The following CADM2 variants were observed in gnomAD, a reference collection of about 807,000 sequenced individuals.
CADM2 encodes the protein cell adhesion molecule 2, also known as immunoglobulin superfamily member 4D.
A neutral mutation model predicts 49.8 loss-of-function variants in CADM2; 12 were observed. The observed-to-expected ratio is 0.24, with a 90% CI of 0.15 to 0.39. CADM2 has a LOEUF of 0.39. Among genes scored for constraint, CADM2 ranks in the 10% least tolerant of loss-of-function variants. The pLI, the probability that CADM2 is intolerant of heterozygous loss-of-function variation, is 1.00. For synonymous variants in CADM2, 214 were observed against 175.4 expected, an observed-to-expected ratio of 1.22 and a Z score of -1.74; for missense variants, 378 against 492.3, an observed-to-expected ratio of 0.77 and a Z score of 2.20.
At chr3:85,043,372 G>A (rs937288949) in intron 1 of CADM2, among the ~76,000 whole-genome samples, 4 of 151,818 alleles carry the variant, frequency 2.6e-5, no homozygotes, top group South Asian at 2.1e-4. Flanking sequence ...GTATGGGCCC[G>A]TATATGACCA....
At chr3:85,117,684 G>A (rs922571266) in intron 1 of CADM2, among the ~76,000 whole-genome samples, 8 of 151,978 alleles carry the variant, frequency 5.3e-5, no homozygotes, top group African/African-American at 1.7e-4. Flanking sequence ...TAGGGATTAG[G>A]GTGTTTTATG....
intron 1 of CADM2, among the ~76,000 whole-genome samples, chr3:85,142,993 A>C (rs2039622596): frequency 6.6e-6 from 1 of 152,192 alleles, no homozygotes; most frequent in Non-Finnish European, 1.5e-5. Context: ...ATATATTGCA[A>C]ATTTTCTTAG....
chr3:85,917,776 G>C (rs145195131), intron 6 of CADM2, among the ~76,000 whole-genome samples: 5,692 of 151,698 alleles, frequency 0.038, 321 homozygotes, highest in African/African-American at 0.12. Flanking sequence ...CCATTTTCAC[G>C]ATATTGATTC....
intron 1 of CADM2, among the ~76,000 whole-genome samples, chr3:85,627,398 T>C (rs969997531): frequency 2.0e-5 from 3 of 151,822 alleles, no homozygotes; most frequent in African/African-American, 7.3e-5. Flanking sequence ...CATGTATACA[T>C]TTGGGTAAAT....
intron 1 of CADM2, among the ~76,000 whole-genome samples, chr3:85,352,769 C>A (rs1434288763): frequency 6.6e-6 from 1 of 152,018 alleles, no homozygotes; most frequent in African/African-American, 2.4e-5. Flanking sequence ...GACTGGATGA[C>A]CATGTCAAAT....
chr3:85,924,143 CA>C (rs1485979871), intron 6 of CADM2, among the ~76,000 whole-genome samples: 1 of 151,966 alleles, frequency 6.6e-6, no homozygotes, highest in Non-Finnish European at 1.5e-5. Flanking sequence ...CAAGGTAAGC[CA>C]ATTTTTAAAC....
chr3:85,048,579 T>G (rs540595795), intron 1 of CADM2, among the ~76,000 whole-genome samples: 2 of 152,260 alleles, frequency 1.3e-5, no homozygotes, highest in South Asian at 4.1e-4. Flanking sequence ...CCTTAGGACT[T>G]AAATTAGGAC....
chr3:85,259,045 A>G (rs923654468), intron 1 of CADM2, among the ~76,000 whole-genome samples: 1 of 152,162 alleles, frequency 6.6e-6, no homozygotes, highest in Non-Finnish European at 1.5e-5. Flanking sequence ...CTAGTCATTC[A>G]TCAGCATTGA....
At chr3:86,048,997 T>C (rs1431983131) in intron 8 of CADM2, among the ~76,000 whole-genome samples, 1 of 152,176 alleles carries the variant, frequency 6.6e-6, no homozygotes, top group Non-Finnish European at 1.5e-5. Context: ...AGGTAAATTT[T>C]AAAATTTTTC....
At chr3:85,741,084 A>G (rs1366260997) in intron 2 of CADM2, among the ~76,000 whole-genome samples, 2 of 152,198 alleles carry the variant, frequency 1.3e-5, no homozygotes, top group African/African-American at 4.8e-5. Context: ...ATTAAATTGA[A>G]TCACACAATG....
At chr3:85,412,929 C>T (rs910677947) in intron 1 of CADM2, among the ~76,000 whole-genome samples, 1 of 151,462 alleles carries the variant, frequency 6.6e-6, no homozygotes, top group African/African-American at 2.4e-5. Flanking sequence ...ATCACGAGGT[C>T]AGGAGATCTA....
chr3:86,039,534 G>A (rs1354114122), intron 8 of CADM2, among the ~76,000 whole-genome samples: 2 of 152,170 alleles, frequency 1.3e-5, no homozygotes, highest in African/African-American at 2.4e-5. Context: ...CGAGGCTGGG[G>A]GAGGGGTGCC....
intron 1 of CADM2, among the ~76,000 whole-genome samples, chr3:85,147,153 T>C (rs896886764): frequency 4.0e-5 from 6 of 151,552 alleles, no homozygotes; most frequent in African/African-American, 1.5e-4. Context: ...CGGGCGCCTG[T>C]AGTCCCAGCT....
At chr3:85,206,302 TTTTC>T (rs2041632154) in intron 1 of CADM2, among the ~76,000 whole-genome samples, 1 of 150,752 alleles carries the variant, frequency 6.6e-6, no homozygotes, top group Admixed American at 6.7e-5. Context: ...GTCTTTTTTT[TTTTC>T]TTTTCTTTTT....
intron 1 of CADM2, among the ~76,000 whole-genome samples, chr3:85,271,180 A>G (rs2043233790): frequency 6.6e-6 from 1 of 151,436 alleles, no homozygotes; most frequent in African/African-American, 2.4e-5. Context: ...AAAATATGTA[A>G]GAGTGAATTC....
intron 3 of CADM2, among the ~76,000 whole-genome samples, chr3:85,829,552 T>C (rs940156916): frequency 6.6e-6 from 1 of 151,996 alleles, no homozygotes; most frequent in Non-Finnish European, 1.5e-5. Flanking sequence ...ATGCATTGTG[T>C]AATGATTACC....
chr3:85,487,761 TGTGTGTGCGTGC>T (rs1290426549), intron 1 of CADM2, among the ~76,000 whole-genome samples: 2 of 151,634 alleles, frequency 1.3e-5, no homozygotes, highest in Non-Finnish European at 2.9e-5. Context: ...TGTGTGCGTG[TGTGTGTGCGTGC>T]GTGTGTGTGT....
intron 1 of CADM2, among the ~76,000 whole-genome samples, chr3:85,397,014 C>T (rs1420712793): frequency 6.6e-6 from 1 of 151,918 alleles, no homozygotes; most frequent in African/African-American, 2.4e-5. Context: ...AAATATCTGA[C>T]AAGAGATTAA....
At chr3:85,636,954 C>A (rs914336636) in intron 1 of CADM2, among the ~76,000 whole-genome samples, 5 of 152,140 alleles carry the variant, frequency 3.3e-5, no homozygotes, top group Admixed American at 3.3e-4. Context: ...TAACATTAAG[C>A]ATGACTGCAC....
Sources: gnomAD v4.1 joint callset for allele counts (sites outside exome capture counted in the v4.1 genomes callset) on GRCh38, gnomAD v4.1.1 for gene constraint, MANE v1.5 for transcripts, NCBI Gene and HGNC (gene_info 2026-07-23, HGNC 2026-07-21) for gene names.